Variants in MDGA2 observed in about 807,000 individuals in gnomAD.
MDGA2 encodes MAM domain containing glycosylphosphatidylinositol anchor 2, also known as MAM domain-containing glycosylphosphatidylinositol anchor protein 2.
A neutral mutation model predicts 117.8 loss-of-function variants in MDGA2; 40 were observed. The observed-to-expected ratio is 0.34, with a 90% confidence interval of 0.26 to 0.44. The LOEUF (loss-of-function observed/expected upper bound fraction) is 0.44, where lower values mean the gene tolerates loss of function less well. Among genes scored for constraint, MDGA2 ranks in the 20% least tolerant of loss-of-function variants. The pLI is 1.00. For missense variants in MDGA2, 1,123 were observed against 1,250.6 expected (o/e 0.90, Z 1.54); for synonymous variants, 452 against 439.0 (o/e 1.03, Z -0.37).
intron 1 of MDGA2, among the ~76,000 whole-genome samples, chr14:47,533,271 A>G (rs1243964058): frequency 6.6e-6 from 1 of 152,222 alleles, no homozygotes; most frequent in Non-Finnish European, 1.5e-5. Flanking sequence ...TATGTCTGAG[A>G]CATGCGCCAA....
rs557511209 is a variant in MDGA2, at chr14:46,937,431, C to A, written c.2090-17271G>T. Among the ~76,000 whole-genome samples, 3 of 152,016 alleles carry A rather than the reference C, an allele frequency of 2.0e-5. No homozygotes were observed. The East Asian group carries it at 5.8e-4, about 29-fold the overall frequency. On this transcript the variant is annotated intron_variant, in intron 9 of 16. Coordinates refer to ENST00000399232, the MANE Select transcript of MDGA2 (RefSeq NM_001113498.3). Reference sequence around the variant, plus strand: ...TTGCTGTCAATTACTAATCAAAGTACCAATGACATTCTTCACAGAAATAGA... The same window carrying A: ...TTGCTGTCAATTACTAATCAAAGTAACAATGACATTCTTCACAGAAATAGA...
At chr14:47,656,816 T>C (rs1220520382) in intron 1 of MDGA2, among the ~76,000 whole-genome samples, 2 of 152,156 alleles carry the variant, frequency 1.3e-5, no homozygotes, top group African/African-American at 4.8e-5. Context: ...AATGTAAACT[T>C]AACATTATTC....
intron 1 of MDGA2, among the ~76,000 whole-genome samples, chr14:47,607,765 A>G (rs2138894931): frequency 6.6e-6 from 1 of 152,274 alleles, no homozygotes; most frequent in Non-Finnish European, 1.5e-5. Context: ...TGTATTTTAT[A>G]AAACTGGTTA....
intron 2 of MDGA2, among the ~76,000 whole-genome samples, chr14:47,291,529 A>G (rs117822238): frequency 3.9e-5 from 6 of 152,316 alleles, no homozygotes; most frequent in Non-Finnish European, 8.8e-5. Flanking sequence ...CACTTAATAC[A>G]TCTAACCTAC....
At chr14:47,398,373 A>G (rs1255469982) in intron 1 of MDGA2, among the ~76,000 whole-genome samples, 2 of 152,056 alleles carry the variant, frequency 1.3e-5, no homozygotes, top group Admixed American at 1.3e-4. Context: ...TCCTAGTCCA[A>G]CTCTACTAAC....
intron 1 of MDGA2, among the ~76,000 whole-genome samples, chr14:47,576,304 C>A (rs1443084987): frequency 6.6e-6 from 1 of 152,042 alleles, no homozygotes; most frequent in Non-Finnish European, 1.5e-5. Flanking sequence ...CAGTATAGAC[C>A]AGTATTGTTA....
rs1415398565 is a variant in MDGA2 at position 47,174,975 on chromosome 14, C to T, written c.596-30701G>A. Among the ~76,000 whole-genome samples, 5 of 152,108 alleles carry T rather than the reference C, an allele frequency of 3.3e-5. No individual in the cohort carries two copies. The South Asian group carries it at 6.2e-4, about 19-fold the overall frequency. ...AAAATGATAAAGGGGATATCACCAC[C>T]AATCCCACAGAAATACAAACTACCA... On this transcript the variant is annotated intron_variant, in intron 3 of 16. Coordinates refer to ENST00000399232, the MANE Select transcript of MDGA2 (RefSeq NM_001113498.3).
intron 1 of MDGA2, among the ~76,000 whole-genome samples, chr14:47,629,332 G>C (rs1395072617): frequency 5.9e-5 from 9 of 152,080 alleles, no homozygotes; most frequent in Non-Finnish European, 8.8e-5. Context: ...CAGATATATT[G>C]GTATTATTGT....
At chr14:47,478,143 A>G (rs996204361) in intron 1 of MDGA2, among the ~76,000 whole-genome samples, 5 of 152,228 alleles carry the variant, frequency 3.3e-5, no homozygotes, top group African/African-American at 1.2e-4. Context: ...TAAAGAAAAT[A>G]AAAGTTTAAC....
intron 9 of MDGA2, among the ~76,000 whole-genome samples, chr14:46,927,706 G>A (rs964038005): frequency 3.9e-5 from 6 of 152,152 alleles, no homozygotes; most frequent in African/African-American, 1.4e-4. Context: ...AGACAGAGAA[G>A]TGTTTATCAA....
intron 9 of MDGA2, among the ~76,000 whole-genome samples, chr14:46,954,735 T>C (rs1446731771): frequency 1.3e-5 from 2 of 152,136 alleles, no homozygotes; most frequent in Non-Finnish European, 2.9e-5. Flanking sequence ...TATGTTGCCA[T>C]ATAAGTTAAT....
intron 12 of MDGA2, among the ~76,000 whole-genome samples, chr14:46,874,895 C>A (rs1310108995): frequency 6.7e-6 from 1 of 148,560 alleles, no homozygotes; most frequent in Non-Finnish European, 1.5e-5. Flanking sequence ...TTCAACTATC[C>A]CTGAAATGTG....
intron 1 of MDGA2, among the ~76,000 whole-genome samples, chr14:47,672,831 G>A (rs1898099874): frequency 1.3e-5 from 2 of 152,156 alleles, no homozygotes; most frequent in South Asian, 2.1e-4. Flanking sequence ...CTGTTCAGAG[G>A]GCACCGGGGT....
rs985253572 is a variant in MDGA2, at chr14:47,301,538, A to T, written c.293T>A (p.Val98Asp). 1.3e-6 allele frequency: 2 copies of T among 1,551,470 alleles called. No individual in the cohort carries two copies. Among genetic ancestry groups the T allele is most frequent in the Non-Finnish European group, 1.7e-6 (2 of 1,146,942 alleles). Residue 98 changes from valine (V) to aspartate (D), a missense_variant, in exon 2 of 17, where the codon GTT (valine) becomes GAT (aspartate). By Grantham distance (152) the Val-to-Asp change is radical. Around this residue, in one of 2 missense-constraint regions of MDGA2, gnomAD observed 233 missense variants for 200.3 expected, o/e 1.16. Transcript: ENST00000399232. ...SGQGVYAPPT[V>D]RIVHSGLACN... ...GGCCAAGCCTGAGTGCACAATACGA[A>T]CCGTGGGAGGAGCTGTCGAGTCAGG...
chr14:46,865,013 C>A (rs1881689172), intron 14 of MDGA2, among the ~76,000 whole-genome samples: 1 of 151,674 alleles, frequency 6.6e-6, no homozygotes, highest in African/African-American at 2.4e-5. Context: ...GCGTTTAACT[C>A]CAAGGGAAAA....
At chr14:47,343,881 T>A (rs1310415406) in intron 1 of MDGA2, among the ~76,000 whole-genome samples, 1 of 152,110 alleles carries the variant, frequency 6.6e-6, no homozygotes, top group Non-Finnish European at 1.5e-5. Flanking sequence ...AATAGCCATA[T>A]GTCCCTGAAA....
At chr14:47,191,878 T>C (rs566036490) in intron 3 of MDGA2, among the ~76,000 whole-genome samples, 12 of 152,132 alleles carry the variant, frequency 7.9e-5, no homozygotes, top group Non-Finnish European at 1.6e-4. Context: ...AGGGAGGGAA[T>C]ACCAAGGCAG....
chr14:47,579,865 T>A (rs1441591946), intron 1 of MDGA2, among the ~76,000 whole-genome samples: 1 of 152,074 alleles, frequency 6.6e-6, no homozygotes, highest in Non-Finnish European at 1.5e-5. Context: ...AAACATTTTT[T>A]AAAAAGTGAT....
chr14:47,059,497 T>C (rs1889805215), intron 7 of MDGA2: 1 of 370,760 alleles, frequency 2.7e-6, no homozygotes, highest in Non-Finnish European at 5.1e-6. Context: ...AAATCAATGT[T>C]GGTCATCTTT....
Sources: allele counts gnomAD v4.1 joint callset (sites outside exome capture counted in the v4.1 genomes callset), GRCh38; gene constraint gnomAD v4.1.1; regional missense constraint gnomAD v4.1.1; transcripts MANE v1.5; gene names NCBI Gene and HGNC (gene_info 2026-07-23, HGNC 2026-07-21).